Variants in LTBR observed in about 807,000 individuals in gnomAD.
The protein encoded by LTBR is lymphotoxin beta receptor.
In LTBR, 15 loss-of-function variants were observed where a neutral mutation model predicts 45.4. That is an observed-to-expected ratio of 0.33 (90% CI 0.22 to 0.51). The LOEUF is 0.51. Ranked by LOEUF, LTBR falls within the 20% of genes least tolerant of loss-of-function variation. The pLI, the probability that LTBR is intolerant of heterozygous loss-of-function variation, is 0.97. For synonymous variants in LTBR, 228 were observed against 231.0 expected, an observed-to-expected ratio of 0.99 and a Z score of 0.12; for missense variants, 450 against 565.5, an observed-to-expected ratio of 0.80 and a Z score of 2.07.
chr12:6,379,787 C>G (rs1178548520), upstream of LTBR, among the ~76,000 whole-genome samples: 1 of 151,560 alleles, frequency 6.6e-6, no homozygotes, highest in Non-Finnish European at 1.5e-5. Context: ...AAAAAATTAG[C>G]TGGGCATAAG....
At chr12:6,375,914 C>T (rs1948898963) in intron 1 of LTBR, 6 of 1,146,166 alleles carry the variant, frequency 5.2e-6, no homozygotes, top group Admixed American at 4.8e-5. Flanking sequence ...AGAGGGACAG[C>T]GAAGGACAGA....
intron 2 of LTBR, 133 bp from the exon 3 acceptor site, chr12:6,384,889 G>A (rs1949020976): frequency 2.4e-6 from 3 of 1,245,558 alleles, no homozygotes; most frequent in Admixed American, 1.9e-5. Context: ...TCACTGAGAG[G>A]GAGCCGGAGG....
At chr12:6,379,501 T>G (rs547063453), upstream of LTBR, among the ~76,000 whole-genome samples, 50 of 152,320 alleles carry the variant, frequency 3.3e-4, no homozygotes, top group Non-Finnish European at 4.9e-4. Flanking sequence ...CACTTCACAC[T>G]GGGGGCTGCC....
chr12:6,389,924 T>G (rs1433915114), intron 8 of LTBR, 188 bp from the exon 9 acceptor site: 2 of 596,050 alleles, frequency 3.4e-6, no homozygotes, highest in Non-Finnish European at 6.0e-6. Flanking sequence ...ACCACTGCAC[T>G]GTAGCCTGGG....
In LTBR at chr12:6,386,284, A is replaced by G. The variant is rs2136930321; in HGVS notation, c.570-63A>G. The G allele has an allele frequency of 1.3e-6, 2 of 1,512,132 alleles. No homozygotes were observed. The highest frequency in any genetic ancestry group is 1.8e-6 in the Non-Finnish European group (2 of 1,089,274). 93.7% of individuals were successfully genotyped at this position (1,512,132 alleles called of 1,614,324 possible). Reference sequence around the variant, plus strand: ...CCACTTTCAGCCTCCCCGCCTGCCCAGTGGAGTCGGGACACTGGTGGGCCA... The same window carrying G: ...CCACTTTCAGCCTCCCCGCCTGCCCGGTGGAGTCGGGACACTGGTGGGCCA... On this transcript the variant is annotated intron_variant, in intron 5 of 9. Coordinates refer to ENST00000228918, the MANE Select transcript of LTBR (RefSeq NM_002342.3). This position sits in a 1 kb window ranked among gnomAD's most constrained non-coding sequence, Gnocchi z 4.1.
intron 1 of LTBR, chr12:6,375,850 AG>A: frequency 7.6e-7 from 1 of 1,320,752 alleles, no homozygotes; most frequent in Non-Finnish European, 9.6e-7. Flanking sequence ...CCAGGCTGAG[AG>A]GGCCTGGGTG....
At chr12:6,390,454 C>T (rs1015640717) in intron 9 of LTBR, 114 bp downstream of exon 9, 69 of 1,017,642 alleles carry the variant, frequency 6.8e-5, no homozygotes, top group Admixed American at 1.3e-4. Flanking sequence ...ACAGAGACTC[C>T]GCTGCCAGTC....
chr12:6,389,996 AG>A, intron 8 of LTBR, 115 bp from the exon 9 acceptor site: 2 of 728,054 alleles, frequency 2.7e-6, no homozygotes, highest in Non-Finnish European at 4.7e-6. Context: ...AGAGAGAGAG[AG>A]AAAGGAAGGA....
At chr12:6,377,814 TC>T (rs1948935159) in intron 1 of LTBR, 2 of 482,422 alleles carry the variant, frequency 4.1e-6, no homozygotes, top group South Asian at 3.2e-5. Flanking sequence ...CAAATAGTTT[TC>T]ATATCAAGGG....
At chr12:6,376,197 AG>A (rs1336442940) in intron 1 of LTBR, 3 of 985,148 alleles carry the variant, frequency 3.0e-6, no homozygotes, top group Non-Finnish European at 3.6e-6. Flanking sequence ...CAGCGCACTC[AG>A]GTGGGATGCG....
chr12:6,377,887 G>A (rs950178458), intron 1 of LTBR, among the ~76,000 whole-genome samples: 1 of 152,232 alleles, frequency 6.6e-6, no homozygotes, highest in Non-Finnish European at 1.5e-5. Flanking sequence ...ACCCTGCCAC[G>A]TCCTGCCGGG....
upstream of LTBR, among the ~76,000 whole-genome samples, chr12:6,381,545 C>T (rs775764267): frequency 2.6e-5 from 4 of 152,178 alleles, no homozygotes; most frequent in African/African-American, 7.2e-5. Context: ...AGGGCTGAAG[C>T]GCCAGCTTAC....
chr12:6,388,459 C>A lies in LTBR; in HGVS notation c.729C>A (p.Val243=). 1.2e-6 allele frequency: 2 copies of A among 1,614,088 alleles called. No homozygotes were observed. The highest frequency in any genetic ancestry group is 1.7e-6 in the Non-Finnish European group (2 of 1,180,030). The change falls in exon 7 of 10, where the codon GTC becomes GTA. Residue 243 remains valine (V), a synonymous_variant. Coordinates refer to ENST00000228918, the MANE Select transcript of LTBR (RefSeq NM_002342.3). This position sits in a 1 kb window ranked among gnomAD's most constrained non-coding sequence, Gnocchi z 4.3. ...PLAFFLLLAT[V]FSCIWKSHPS... ...CCTTCTTTCTGCTCCTTGCCACCGT[C>A]TTCTCCTGCATCTGGAAGAGCCACC...
rs1184670673 is a variant in LTBR, at chr12:6,388,990, C to T, written c.801+165C>T. On this transcript the variant is annotated intron_variant, in intron 8 of 9. Transcript: ENST00000228918. This position sits in a 1 kb window ranked among gnomAD's most constrained non-coding sequence, Gnocchi z 4.3. ...ACCAGGCACTGTCCTAGGCACTGGGCGTACAGCAGTGAGCAAAACACAGTA... is the reference window on the plus strand; with the variant it reads ...ACCAGGCACTGTCCTAGGCACTGGGTGTACAGCAGTGAGCAAAACACAGTA... 1.4e-5 allele frequency: 11 copies of T among 769,630 alleles called. No individual in the cohort carries two copies. The East Asian group carries it at 1.6e-4, about 11-fold the overall frequency. The allele number at this position is 769,630 out of a possible 1,614,324, so 47.7% of individuals were successfully genotyped here. A position where few individuals can be genotyped will look rare whatever the true frequency, so the allele number is the denominator to read the frequency against.
At chr12:6,380,622 G>A (rs1316360726), upstream of LTBR, among the ~76,000 whole-genome samples, 3 of 151,898 alleles carry the variant, frequency 2.0e-5, no homozygotes, top group Non-Finnish European at 2.9e-5. Context: ...CCTGGGAGGC[G>A]GAGGTTGCAG....
Position 6,388,562 on chromosome 12 carries a change from T to G in LTBR, c.775+57T>G. ...GCAATGGGAGCCGGAGGGAGGAATA[T>G]TCAACTTCCCCGGTGCAACCCTCCA... is the stretch of plus-strand genomic sequence containing the variant. On this transcript the variant is annotated intron_variant, in intron 7 of 9. Coordinates refer to ENST00000228918, the MANE Select transcript of LTBR (RefSeq NM_002342.3). This position sits in a 1 kb window ranked among gnomAD's most constrained non-coding sequence, Gnocchi z 4.3. 7.5e-6 allele frequency: 11 copies of G among 1,472,782 alleles called. No homozygotes were observed. The highest frequency in any genetic ancestry group is 9.5e-6 in the Non-Finnish European group (10 of 1,053,272). The allele number at this position is 1,472,782 out of a possible 1,614,324, so 91.2% of individuals were successfully genotyped here.
At chr12:6,385,628 C>T (rs1015114508) in intron 4 of LTBR, 12 of 541,870 alleles carry the variant, frequency 2.2e-5, no homozygotes, top group South Asian at 2.0e-4. Flanking sequence ...GGCAGTAGGC[C>T]GGGTGTGGTG....
upstream of LTBR, chr12:6,384,007 CG>C: frequency 8.7e-7 from 1 of 1,151,652 alleles, no homozygotes; most frequent in Non-Finnish European, 1.1e-6. Flanking sequence ...GGGAGGAGGC[CG>C]GTTCCGGCCC....
upstream of LTBR, among the ~76,000 whole-genome samples, chr12:6,383,752 C>T (rs1215745249): frequency 1.3e-5 from 2 of 152,212 alleles, no homozygotes; most frequent in Non-Finnish European, 2.9e-5. Context: ...ATCTGCCAGC[C>T]GGTTCTCCTC....
Sources: allele counts gnomAD v4.1 joint callset (sites outside exome capture counted in the v4.1 genomes callset), GRCh38; gene constraint gnomAD v4.1.1; non-coding constraint Gnocchi (gnomAD v3.1); transcripts MANE v1.5; gene names NCBI Gene and HGNC (gene_info 2026-07-23, HGNC 2026-07-21).